Variants in WDFY3 observed in about 807,000 individuals in gnomAD.
WDFY3 encodes the protein WD repeat and FYVE domain-containing protein 3.
A neutral mutation model predicts 409.6 loss-of-function variants in WDFY3; 66 were observed. The ratio of observed to expected loss-of-function variants is 0.16; its 90% CI spans 0.13 to 0.20. The LOEUF (loss-of-function observed/expected upper bound fraction) is 0.20. Among genes scored for constraint, WDFY3 ranks in the 10% least tolerant of loss-of-function variants. The pLI is 1.00. For synonymous variants in WDFY3, 1,521 were observed against 1,537.1 expected (o/e 0.99, Z 0.25); for missense variants, 3,031 against 4,298.1 (o/e 0.71, Z 8.24).
Position 84,765,916 on chromosome 4 carries a change from T to C in WDFY3, c.5082A>G (p.Leu1694=), listed in dbSNP as rs751015735. ...TGATGAGAATAGACTGATTACTTAG[T>C]AGGACAACAAGAATCCTCATGGCTG... is the stretch of plus-strand genomic sequence containing the variant. ...VTAAMRILVV[L]LSNQSILIKF... is the part of the protein sequence containing the mutation. The change falls in exon 32 of 68, where the codon CTA becomes CTG. Residue 1694 remains leucine (L), a synonymous_variant. Transcript: ENST00000295888. 1.2e-6 allele frequency: 2 copies of C among 1,614,006 alleles called. No homozygotes were observed. The highest frequency in any genetic ancestry group is 4.5e-5 in the East Asian group (2 of 44,830).
At position 84,695,961 on chromosome 4, in the gene WDFY3, C is replaced by T; in HGVS notation, c.8901+9G>A. On this transcript the variant is annotated intron_variant, in intron 58 of 67. Coordinates refer to ENST00000295888, the MANE Select transcript of WDFY3 (RefSeq NM_014991.6). ...GAGTACATCAATGACAAGAAAAAAA[C>T]ATCCATACCTGTTTAGGGATCTGAC... The T allele has an allele frequency of 6.2e-7, 1 of 1,611,878 alleles. No homozygotes were observed. Among genetic ancestry groups the T allele is most frequent in the African/African-American group, 1.3e-5 (1 of 74,874 alleles).
intron 6 of WDFY3, among the ~76,000 whole-genome samples, chr4:84,839,559 TAAA>T (rs752155113): frequency 7.0e-6 from 1 of 142,152 alleles, no homozygotes. Flanking sequence ...TTCCCTGAGT[TAAA>T]AAAAAAAAAA....
intron 3 of WDFY3, among the ~76,000 whole-genome samples, chr4:84,890,264 T>A (rs1764763963): frequency 6.6e-6 from 1 of 152,168 alleles, no homozygotes; most frequent in Non-Finnish European, 1.5e-5. Context: ...CATGCCCAGC[T>A]AATTTTTGTA....
At chr4:84,928,196 C>T (rs1181935794) in intron 2 of WDFY3, among the ~76,000 whole-genome samples, 2 of 152,210 alleles carry the variant, frequency 1.3e-5, no homozygotes, top group Non-Finnish European at 2.9e-5. Context: ...CCCTGAACAT[C>T]AGAGCTCTTT....
chr4:84,928,279 G>A (rs980938165), intron 2 of WDFY3, among the ~76,000 whole-genome samples: 11 of 152,060 alleles, frequency 7.2e-5, no homozygotes, highest in South Asian at 6.2e-4. Context: ...TCGAGCCCTC[G>A]GCCTTGGACT....
intron 30 of WDFY3, among the ~76,000 whole-genome samples, chr4:84,769,513 A>C (rs1234575462): frequency 1.3e-5 from 2 of 151,578 alleles, no homozygotes; most frequent in Non-Finnish European, 1.5e-5. Flanking sequence ...CTCCTGGGTT[A>C]ACGCCATTCT....
Position 84,789,841 on chromosome 4 carries a change from C to T in WDFY3, c.3554G>A (p.Gly1185Glu). The part of the protein sequence containing the change: ...ILPCCARFRC[G>E]ELIIEGQWHH... The stretch of plus-strand genomic sequence containing the variant: ...CCACTGTCCCTCAATGATAAGCTCT[C>T]CACATCGAAAGCGAGCACAGCATGG... Residue 1185 changes from glycine (G) to glutamate (E), a missense_variant, in exon 22 of 68, where the codon GGA becomes GAA. Physicochemically the swap from Gly to Glu is moderately conservative, Grantham distance 98. Transcript: ENST00000295888. 3 of 1,614,082 alleles carry T rather than the reference C, an allele frequency of 1.9e-6. No individual in the cohort carries two copies. Among genetic ancestry groups the T allele is most frequent in the Non-Finnish European group, 2.5e-6 (3 of 1,180,026 alleles).
chr4:84,752,764 T>C (rs1178189730), intron 35 of WDFY3, among the ~76,000 whole-genome samples: 1 of 152,146 alleles, frequency 6.6e-6, no homozygotes, highest in Non-Finnish European at 1.5e-5. Flanking sequence ...TCCTAGAGTA[T>C]ATGGTGGAAA....
rs1268385696 is a variant in WDFY3, at chr4:84,765,870, CACT to C, written c.5125_5127del (p.Ser1709del). 10 of 1,613,766 alleles carry C rather than the reference CACT, an allele frequency of 6.2e-6. No homozygotes were observed. The Middle Eastern group carries it at 4.9e-4, about 80-fold the overall frequency. ...TCTGTCTGTTCAAGCCATCCTCCAC[CACT>C]GAGTCCTTCTTTAAACTTGATGAGA... On this transcript the variant is annotated inframe_deletion, in exon 32 of 68. Transcript: ENST00000295888.
intron 2 of WDFY3, among the ~76,000 whole-genome samples, chr4:84,920,203 G>C (rs1276880885): frequency 1.3e-5 from 2 of 152,174 alleles, no homozygotes; most frequent in African/African-American, 4.8e-5. Flanking sequence ...CGCAAGATAT[G>C]ATCATTGACT....
chr4:84,960,092 T>A lies in WDFY3; in HGVS notation c.-226+6117A>T, dbSNP rs184723997. Among the ~76,000 whole-genome samples the A allele has an allele frequency of 1.4e-3, 212 of 152,298 alleles. 1 individual carries two copies. Among genetic ancestry groups the A allele is most frequent in the African/African-American group, 4.8e-3 (201 of 41,560 alleles). Reference sequence around the variant, plus strand: ...GTTTTTACCCTAGTTTTACTTCCCATTAACCTTCCTAATTTCAACTGAGAT... The same window carrying A: ...GTTTTTACCCTAGTTTTACTTCCCAATAACCTTCCTAATTTCAACTGAGAT... On this transcript the variant is annotated intron_variant, in intron 1 of 67. Coordinates refer to ENST00000295888, the MANE Select transcript of WDFY3 (RefSeq NM_014991.6).
chr4:84,929,942 T>G (rs181249042), intron 2 of WDFY3, among the ~76,000 whole-genome samples: 1 of 149,182 alleles, frequency 6.7e-6, no homozygotes, highest in East Asian at 2.0e-4. Context: ...ACAAGAGACA[T>G]GCATAGAAGG....
intron 43 of WDFY3, 95 bp from the exon 44 acceptor site, chr4:84,733,704 C>A: frequency 8.6e-7 from 1 of 1,157,038 alleles, no homozygotes; most frequent in East Asian, 2.4e-5. Context: ...TATTTGGAAA[C>A]AAACACAATC....
At chr4:84,929,478 C>CG (rs1168275442) in intron 2 of WDFY3, among the ~76,000 whole-genome samples, 2 of 151,158 alleles carry the variant, frequency 1.3e-5, no homozygotes, top group African/African-American at 4.9e-5. Flanking sequence ...CGCCCCCCCC[C>CG]CCAAATTCAT....
At chr4:84,693,125 G>C in intron 58 of WDFY3, 93 bp from the exon 59 acceptor site, 1 of 1,322,940 alleles carries the variant, frequency 7.6e-7, no homozygotes, top group East Asian at 2.4e-5. Flanking sequence ...TTCAATTAAG[G>C]TTCACAAGAA....
At chr4:84,719,484 C>T (rs1375165401) in intron 47 of WDFY3, among the ~76,000 whole-genome samples, 5 of 152,138 alleles carry the variant, frequency 3.3e-5, no homozygotes, top group Non-Finnish European at 2.9e-5. Flanking sequence ...ACTTCCTGCA[C>T]TATTAAAGCA....
At chr4:84,865,202 TA>T (rs2150251151) in intron 3 of WDFY3, among the ~76,000 whole-genome samples, 1 of 152,276 alleles carries the variant, frequency 6.6e-6, no homozygotes, top group South Asian at 2.1e-4. Flanking sequence ...ACTTTCATTT[TA>T]ATTTTAAAAA....
At chr4:84,805,131 T>A (rs1245039822) in intron 15 of WDFY3, among the ~76,000 whole-genome samples, 1 of 152,188 alleles carries the variant, frequency 6.6e-6, no homozygotes, top group Non-Finnish European at 1.5e-5. Flanking sequence ...TAAAATTATC[T>A]TCTGGCTACT....
At chr4:84,673,047 C>G in intron 67 of WDFY3, 56 bp from the exon 68 acceptor site, 4 of 1,603,862 alleles carry the variant, frequency 2.5e-6, no homozygotes, top group Non-Finnish European at 3.4e-6. Flanking sequence ...TGATCATGGG[C>G]ACCGGAAACA....
Sources: gnomAD v4.1 joint callset for allele counts (sites outside exome capture counted in the v4.1 genomes callset) on GRCh38, gnomAD v4.1.1 for gene constraint, MANE v1.5 for transcripts, NCBI Gene and HGNC (gene_info 2026-07-23, HGNC 2026-07-21) for gene names.